C5: variants seen among roughly 807,000 people sequenced by gnomAD.
C5 encodes the protein complement C5, also known as C3 and PZP-like alpha-2-macroglobulin domain-containing protein 4.
A neutral mutation model predicts 218.8 loss-of-function variants in C5; 140 were observed. That is an observed-to-expected ratio of 0.64 (90% CI 0.56 to 0.74). The LOEUF is 0.74. C5 is among the 30% of genes least tolerant of loss of function. The pLI, the probability that C5 is intolerant of heterozygous loss-of-function variation, is 0.00. For synonymous variants in C5, 614 were observed against 682.3 expected (o/e 0.90, Z 1.56); for missense variants, 1,700 against 1,969.6 (o/e 0.86, Z 2.59).
At chr9:120,966,073 GA>G (rs2046865328) in intron 33 of C5, among the ~76,000 whole-genome samples, 1 of 152,188 alleles carries the variant, frequency 6.6e-6, no homozygotes, top group Non-Finnish European at 1.5e-5. Context: ...TTAATCAGGA[GA>G]GAGAATATTT....
the C5 span, among the ~76,000 whole-genome samples, chr9:121,074,290 T>C: frequency 1.3e-5 from 2 of 152,210 alleles, no homozygotes; most frequent in Non-Finnish European, 2.9e-5. Context: ...AAAATATCTG[T>C]TGAATGCATG....
chr9:121,052,708 T>G (rs972951044), upstream of C5, among the ~76,000 whole-genome samples: 1 of 152,086 alleles, frequency 6.6e-6, no homozygotes, highest in Non-Finnish European at 1.5e-5. Context: ...CAACATTCCA[T>G]TCTTCACTCC....
At chr9:120,996,696 C>T (rs944501924) in intron 21 of C5, among the ~76,000 whole-genome samples, 7 of 152,308 alleles carry the variant, frequency 4.6e-5, no homozygotes, top group South Asian at 4.1e-4. Flanking sequence ...GGCCCAGCAG[C>T]CTCGCTCCAG....
chr9:120,972,341 G>A (rs767756250), intron 30 of C5, among the ~76,000 whole-genome samples: 1 of 152,138 alleles, frequency 6.6e-6, no homozygotes, highest in Non-Finnish European at 1.5e-5. Flanking sequence ...TCTGTGCCTA[G>A]CTCAGGAATC....
In C5 at chr9:121,006,052, C is replaced by T; in HGVS notation, c.2429G>A (p.Cys810Tyr). Residue 810 changes from cysteine (C) to tyrosine (Y), a missense_variant, in exon 20 of 41, where the codon TGT becomes TAT. By Grantham distance (194) the Cys-to-Tyr change is radical. Transcript: ENST00000223642. Reference protein sequence around the residue: ...QGVGISNTGICVADTVKAKVF... With the variant: ...QGVGISNTGIYVADTVKAKVF... ...CTTTGCCTTGACAGTATCAGCAACA[C>T]ATATACCTTCAGCCCAAAGTGGAAG... The T allele has an allele frequency of 3.7e-6, 6 of 1,613,686 alleles. No homozygotes were observed. Among genetic ancestry groups the T allele is most frequent in the Non-Finnish European group, 5.1e-6 (6 of 1,179,744 alleles).
At chr9:121,052,453 GA>G (rs1192286050), upstream of C5, among the ~76,000 whole-genome samples, 10,276 of 63,308 alleles carry the variant, frequency 0.16, 365 homozygotes, top group Non-Finnish European at 0.2. Flanking sequence ...CTCCATCTCA[GA>G]AAAAAAAAAA....
At chr9:121,020,311 C>A (rs2047353711) in intron 11 of C5, 132 bp from the exon 12 acceptor site, 1 of 730,566 alleles carries the variant, frequency 1.4e-6, no homozygotes, top group Non-Finnish European at 2.4e-6. Context: ...GGGGAAAAAA[C>A]CCTCCATTAC....
chr9:120,964,425 C>T (rs1212758724), intron 33 of C5, among the ~76,000 whole-genome samples: 2 of 152,212 alleles, frequency 1.3e-5, no homozygotes, highest in Non-Finnish European at 1.5e-5. Context: ...GAGATCGCAG[C>T]ACTGCACTTC....
chr9:120,980,340 G>A (rs2046983072), intron 27 of C5, 86 bp from the exon 28 acceptor site: 1 of 1,183,800 alleles, frequency 8.4e-7, no homozygotes, highest in East Asian at 2.3e-5. Flanking sequence ...CCACTATCCT[G>A]GAGCAAGCAA....
chr9:121,031,595 T>C (rs1246409238), intron 6 of C5, among the ~76,000 whole-genome samples: 2 of 152,120 alleles, frequency 1.3e-5, no homozygotes, highest in Admixed American at 6.6e-5. Context: ...TTCTGCTTGA[T>C]CAGGGTTAAA....
rs2046817339 is a variant in C5, at chr9:120,960,290, C to T, written c.4636G>A (p.Glu1546Lys). The T allele has an allele frequency of 8.1e-6, 13 of 1,613,672 alleles. No homozygotes were observed. Among genetic ancestry groups the T allele is most frequent in the Non-Finnish European group, 1.1e-5 (13 of 1,179,828 alleles). ...QEELDLTISA[E>K]TRKQTACKPE... ...TTACATGCTGTTTGTTTTCTTGTCT[C>T]TGCAGAGATTGTCAGATCCAATTCT... is the stretch of plus-strand genomic sequence containing the variant. The change falls in exon 38 of 41, where the codon GAG becomes AAG. Residue 1546 changes from glutamate to lysine, a missense_variant. Glu to Lys is a moderately conservative substitution (Grantham distance 56, BLOSUM62 1). Transcript: ENST00000223642.
At chr9:120,975,969 C>T (rs1293051717) in intron 29 of C5, among the ~76,000 whole-genome samples, 1 of 152,124 alleles carries the variant, frequency 6.6e-6, no homozygotes, top group Non-Finnish European at 1.5e-5. Context: ...GTGGCCATTC[C>T]CTCTGCCTAT....
chr9:121,014,178 A>C, intron 16 of C5, 108 bp from the exon 17 acceptor site: 1 of 912,164 alleles, frequency 1.1e-6, no homozygotes, highest in Non-Finnish European at 1.8e-6. Flanking sequence ...TGATCCCCCT[A>C]CCCACAATAG....
intron 30 of C5, among the ~76,000 whole-genome samples, 171 bp downstream of exon 30, chr9:120,974,608 A>G (rs2046938543): frequency 1.3e-5 from 2 of 152,118 alleles, no homozygotes; most frequent in African/African-American, 4.8e-5. Flanking sequence ...TTTGTGTTTT[A>G]TTTTTGAATC....
chr9:121,010,435 A>C (rs1283668350), intron 17 of C5, among the ~76,000 whole-genome samples: 1 of 152,168 alleles, frequency 6.6e-6, no homozygotes, highest in African/African-American at 2.4e-5. Context: ...CCAAAGAAGT[A>C]AAAGATTTCT....
chr9:120,975,643 C>T (rs980155582), intron 29 of C5, among the ~76,000 whole-genome samples: 1 of 152,196 alleles, frequency 6.6e-6, no homozygotes, highest in East Asian at 1.9e-4. Flanking sequence ...CCCACCAACC[C>T]TCCACTCTGC....
chr9:121,023,432 A>G lies in C5; in HGVS notation c.1088T>C (p.Leu363Pro), dbSNP rs1488039925. Residue 363 changes from leucine to proline, a missense_variant, in exon 10 of 41, where the codon CTG (leucine) becomes CCG (proline). Physicochemically the swap from Leu to Pro is moderately conservative, Grantham distance 98 (BLOSUM62 -3). Coordinates refer to ENST00000223642, the MANE Select transcript of C5 (RefSeq NM_001735.3). ...GATGGGATATGGAATCCCAGGCTTC[A>G]GGAAAAGAGGAGTAGCAACCAAATT... ...KLNLVATPLF[L>P]KPGIPYPIKV... The G allele has an allele frequency of 6.2e-7, 1 of 1,612,058 alleles. No individual in the cohort carries two copies. The highest frequency in any genetic ancestry group is 1.1e-5 in the South Asian group (1 of 91,040).
At chr9:120,979,674 G>C (rs2046977357) in intron 28 of C5, 1 of 264,476 alleles carries the variant, frequency 3.8e-6, no homozygotes, top group South Asian at 4.4e-5. Context: ...GAGTGCTTGA[G>C]CCCAGGCATT....
the C5 span, among the ~76,000 whole-genome samples, chr9:121,066,095 A>G: frequency 1.3e-5 from 2 of 152,014 alleles, no homozygotes; most frequent in Non-Finnish European, 2.9e-5. Flanking sequence ...CAGGCAGATC[A>G]TGAGGTTAGG....
Sources: gnomAD v4.1 joint callset for allele counts (sites outside exome capture counted in the v4.1 genomes callset) on GRCh38, gnomAD v4.1.1 for gene constraint, MANE v1.5 for transcripts, NCBI Gene and HGNC (gene_info 2026-07-23, HGNC 2026-07-21) for gene names.